The following ARMH4 variants were observed in gnomAD, a reference collection of about 807,000 sequenced individuals.
ARMH4 encodes armadillo-like helical domain-containing protein 4.
ARMH4 carries 49 observed loss-of-function variants against 61.9 expected under a neutral mutation model. That is an observed-to-expected ratio of 0.79 (90% CI 0.63 to 1.00). The LOEUF is 1.00. Among genes scored for constraint, ARMH4 ranks in the 50% least tolerant of loss-of-function variants. The pLI is 0.00. For missense variants in ARMH4, 934 were observed against 930.0 expected, an observed-to-expected ratio of 1.00 and a Z score of -0.06; for synonymous variants, 368 against 341.5, an observed-to-expected ratio of 1.08 and a Z score of -0.85.
rs1887456747 is a variant in ARMH4 at position 58,139,431 on chromosome 14, C to T, written c.-56-17G>A. The T allele has an allele frequency of 7.3e-7, 1 of 1,373,460 alleles. No individual in the cohort carries two copies. Among genetic ancestry groups the T allele is most frequent in the African/African-American group, 1.4e-5 (1 of 69,676 alleles). The allele number at this position is 1,373,460 out of a possible 1,614,324, so 85.1% of individuals were successfully genotyped here. On this transcript the variant is annotated splice_polypyrimidine_tract_variant and intron_variant, in intron 1 of 7. Coordinates refer to ENST00000267485, the MANE Select transcript of ARMH4 (RefSeq NM_001001872.4). ...AATTGAATCCTGCAGAAAAATAAAG[C>T]ATATCAAACTGTCATATAAATACAT...
intron 5 of ARMH4, among the ~76,000 whole-genome samples, chr14:58,071,669 T>C (rs955047259): frequency 6.6e-6 from 1 of 152,152 alleles, no homozygotes; most frequent in African/African-American, 2.4e-5. Context: ...CTTTCATATA[T>C]CATATGCTAA....
At chr14:58,114,913 C>A (rs1594765693) in intron 4 of ARMH4, among the ~76,000 whole-genome samples, 1 of 152,076 alleles carries the variant, frequency 6.6e-6, no homozygotes, top group East Asian at 1.9e-4. Context: ...AACCGGCCCC[C>A]TAACTTTCAC....
At chr14:58,073,710 T>C (rs952585411) in intron 5 of ARMH4, among the ~76,000 whole-genome samples, 1 of 152,234 alleles carries the variant, frequency 6.6e-6, no homozygotes, top group Non-Finnish European at 1.5e-5. Flanking sequence ...ATGGAGTTCT[T>C]TGTTTAAGCA....
intron 5 of ARMH4, among the ~76,000 whole-genome samples, chr14:58,064,065 C>CTTACATGGTT (rs1566563694): frequency 6.7e-6 from 1 of 149,992 alleles, no homozygotes; most frequent in African/African-American, 2.5e-5. Context: ...CTTACAATAT[C>CTTACATGGTT]AACAATAGGT....
intron 5 of ARMH4, among the ~76,000 whole-genome samples, chr14:58,056,524 C>G (rs1388353370): frequency 6.6e-6 from 1 of 152,176 alleles, no homozygotes; most frequent in Admixed American, 6.5e-5. Flanking sequence ...GAAAGGGAAC[C>G]ATTGAGACAA....
intron 4 of ARMH4, among the ~76,000 whole-genome samples, chr14:58,097,421 A>T (rs756655527): frequency 6.6e-6 from 1 of 152,232 alleles, no homozygotes; most frequent in Non-Finnish European, 1.5e-5. Context: ...ATTTTGGCAC[A>T]GCTTTTTCTA....
intron 5 of ARMH4, among the ~76,000 whole-genome samples, chr14:58,042,951 G>A (rs1053038268): frequency 1.8e-4 from 27 of 152,096 alleles, no homozygotes; most frequent in African/African-American, 5.3e-4. Flanking sequence ...CTGAAATTGA[G>A]GCAATAATTA....
intron 5 of ARMH4, among the ~76,000 whole-genome samples, chr14:58,055,451 G>T (rs1356224109): frequency 1.3e-5 from 2 of 152,108 alleles, no homozygotes; most frequent in African/African-American, 4.8e-5. Flanking sequence ...CTCTTTCCTG[G>T]GTGTCAGGAT....
chr14:58,077,378 A>C (rs899404232), intron 5 of ARMH4, among the ~76,000 whole-genome samples: 1 of 152,182 alleles, frequency 6.6e-6, no homozygotes, highest in African/African-American at 2.4e-5. Flanking sequence ...CTGAGACAGG[A>C]GGATGGCTTG....
chr14:58,101,416 T>C (rs1439386861), intron 4 of ARMH4: 1 of 152,092 alleles, frequency 6.6e-6, no homozygotes, highest in Non-Finnish European at 1.5e-5. Context: ...AAAAGGACAA[T>C]GATTTTCACA....
Position 58,004,696 on chromosome 14 carries a change from A to G in ARMH4, c.*40T>C, listed in dbSNP as rs368780412. ...TCTGCTCCAAAATAAAAATTAGAAT[A>G]GTAGCATCGTTGAATATCCCAATTA... On this transcript the variant is annotated 3_prime_UTR_variant, in exon 8 of 8. Transcript: ENST00000267485. 3.3e-5 allele frequency: 48 copies of G among 1,464,398 alleles called. No individual in the cohort carries two copies. In the African/African-American group the frequency reaches 5.8e-4, roughly 18 times the overall value. The allele number at this position is 1,464,398 out of a possible 1,614,324, so 90.7% of individuals were successfully genotyped here. A position where few individuals can be genotyped will look rare whatever the true frequency, so the allele number is the denominator to read the frequency against.
intron 4 of ARMH4, among the ~76,000 whole-genome samples, chr14:58,106,802 G>GAA (rs398025220): frequency 6.4e-4 from 94 of 146,340 alleles, no homozygotes; most frequent in East Asian, 1.2e-3. Context: ...CTTGGTAGGT[G>GAA]AAAAAAAAAA....
At chr14:58,028,840 C>T (rs1368205942) in intron 5 of ARMH4, among the ~76,000 whole-genome samples, 2 of 152,204 alleles carry the variant, frequency 1.3e-5, no homozygotes, top group Non-Finnish European at 2.9e-5. Context: ...TCCACAGTCA[C>T]TCAGTCCACC....
intron 4 of ARMH4, among the ~76,000 whole-genome samples, chr14:58,102,859 C>T (rs1018417301): frequency 3.4e-5 from 5 of 147,476 alleles, no homozygotes; most frequent in Non-Finnish European, 1.5e-5. Flanking sequence ...AGAGGTCAGG[C>T]ACGGTGGCTC....
intron 5 of ARMH4, among the ~76,000 whole-genome samples, chr14:58,029,208 C>T (rs1301246108): frequency 1.3e-5 from 2 of 151,538 alleles, no homozygotes; most frequent in South Asian, 2.1e-4. Flanking sequence ...TATGACCTTT[C>T]GGTCTGGCTT....
intron 5 of ARMH4, among the ~76,000 whole-genome samples, chr14:58,082,714 T>C (rs566168691): frequency 3.2e-4 from 49 of 152,222 alleles, no homozygotes; most frequent in Non-Finnish European, 5.9e-4. Flanking sequence ...GCAGACATTG[T>C]TCTGCTCAAT....
rs1282332784 is a variant in ARMH4 at position 58,004,664 on chromosome 14, T to C, written c.*72A>G. ...GCAGCAATGTGGCAGGTTGTTCTTT[T>C]TTTTTTTCTGCTCCAAAATAAAAAT... On this transcript the variant is annotated 3_prime_UTR_variant, in exon 8 of 8. Coordinates refer to ENST00000267485, the MANE Select transcript of ARMH4 (RefSeq NM_001001872.4). 8 of 1,320,272 alleles carry C rather than the reference T, an allele frequency of 6.1e-6. No individual in the cohort carries two copies. The East Asian group carries it at 1.4e-4, about 23-fold the overall frequency. The allele number at this position is 1,320,272 out of a possible 1,614,324, so 81.8% of individuals were successfully genotyped here. A position where few individuals can be genotyped will look rare whatever the true frequency, so the allele number is the denominator to read the frequency against.
chr14:58,021,614 C>T (rs1028530957), intron 5 of ARMH4, among the ~76,000 whole-genome samples: 1 of 152,158 alleles, frequency 6.6e-6, no homozygotes, highest in African/African-American at 2.4e-5. Flanking sequence ...CACCCATGGT[C>T]CAGTCAAGTT....
At chr14:58,026,107 T>C (rs1883010224) in intron 5 of ARMH4, among the ~76,000 whole-genome samples, 1 of 151,948 alleles carries the variant, frequency 6.6e-6, no homozygotes, top group Non-Finnish European at 1.5e-5. Flanking sequence ...TTAGTGCTAA[T>C]AATACTGATA....
Sources: allele counts gnomAD v4.1 joint callset (sites outside exome capture counted in the v4.1 genomes callset), GRCh38; gene constraint gnomAD v4.1.1; transcripts MANE v1.5; gene names NCBI Gene and HGNC (gene_info 2026-07-23, HGNC 2026-07-21).